The following BHLHE40 variants were observed in gnomAD, a reference collection of about 807,000 sequenced individuals.
BHLHE40 encodes basic helix-loop-helix family member e40, also known as class E basic helix-loop-helix protein 40.
In BHLHE40, 3 loss-of-function variants were observed where a neutral mutation model predicts 35.7. That is an observed-to-expected ratio of 0.08 (90% CI 0.04 to 0.22). The LOEUF is 0.22. Among genes scored for constraint, BHLHE40 ranks in the 10% least tolerant of loss-of-function variants. BHLHE40 has a pLI of 1.00. For missense variants in BHLHE40, 486 were observed against 524.0 expected (o/e 0.93, Z 0.71); for synonymous variants, 236 against 213.0 (o/e 1.11, Z -0.94).
Position 4,983,856 on chromosome 3 carries a change from A to ATGTGCG in BHLHE40, c.*173_*178dup. The ATGTGCG allele has an allele frequency of 2.9e-6, 1 of 350,552 alleles. No homozygotes were observed. Among genetic ancestry groups the ATGTGCG allele is most frequent in the Non-Finnish European group, 4.3e-6 (1 of 233,210 alleles). 21.7% of individuals were successfully genotyped at this position (350,552 alleles called of 1,614,324 possible). ...TGTGTGTGTGTGTGTGTGTGTGTGT[A>ATGTGCG]TGTGCGTGTGCGTGCACATGTGTGC... On this transcript the variant is annotated 3_prime_UTR_variant, in exon 5 of 5. Transcript: ENST00000256495. This position sits in a 1 kb window ranked among gnomAD's most constrained non-coding sequence, Gnocchi z 5.0.
chr3:4,980,537 C>T, intron 3 of BHLHE40, 129 bp downstream of exon 3: 3 of 701,048 alleles, frequency 4.3e-6, no homozygotes, highest in South Asian at 3.4e-5. Context: ...GGTGGCTCTG[C>T]GGTGGGGTCC....
In BHLHE40 at chr3:4,983,143, G is replaced by A. The variant is rs34122820; in HGVS notation, c.690G>A (p.Ser230=). 3,131 of 1,614,116 alleles carry A rather than the reference G, an allele frequency of 1.9e-3. 47 individuals are homozygous for A. In the African/African-American group the frequency reaches 0.035, roughly 18 times the overall value. ...VPVIQRTFAH[S]SGEQSGSDTD... ...TCATCCAGCGGACTTTCGCTCACTC[G>A]AGTGGGGAGCAGAGCGGCAGCGACA... The change falls in exon 5 of 5, where the codon TCG becomes TCA. Residue 230 remains serine (S), a synonymous_variant. Transcript: ENST00000256495. This position sits in a 1 kb window ranked among gnomAD's most constrained non-coding sequence, Gnocchi z 5.0.
At position 4,979,628 on chromosome 3, in the gene BHLHE40, A is replaced by ACTCT; in HGVS notation, c.-91_-90insCTCT. 7.6e-7 allele frequency: 1 copy of ACTCT among 1,317,418 alleles called. No homozygotes were observed. The highest frequency in any genetic ancestry group is 1.1e-6 in the Non-Finnish European group (1 of 949,976). The allele number at this position is 1,317,418 out of a possible 1,614,324, so 81.6% of individuals were successfully genotyped here. On this transcript the variant is annotated 5_prime_UTR_variant, in exon 1 of 5. Coordinates refer to ENST00000256495, the MANE Select transcript of BHLHE40 (RefSeq NM_003670.3). ...CTCAGACTCAGAGGAACATCTGCGG[A>ACTCT]GAGACCCCCGAAGCCCTCTCCAGGG...
At chr3:4,981,569 G>C in intron 4 of BHLHE40, 54 bp downstream of exon 4, 2 of 1,588,274 alleles carry the variant, frequency 1.3e-6, no homozygotes, top group South Asian at 2.3e-5. Context: ...CAAATAGAGA[G>C]CCCGTGGGCT....
chr3:4,983,720 T>A lies in BHLHE40; in HGVS notation c.*28T>A, dbSNP rs761399314. 9 of 1,553,864 alleles carry A rather than the reference T, an allele frequency of 5.8e-6. No individual in the cohort carries two copies. The East Asian group carries it at 2.0e-4, about 35-fold the overall frequency. ...TCTCTAGGGGATCCTGCTGCTTTGC[T>A]TTCCTTCCTCGCTACTTCCTAAAAA... On this transcript the variant is annotated 3_prime_UTR_variant, in exon 5 of 5. Transcript: ENST00000256495. The surrounding 1 kb of genome is among the most constrained non-coding windows in gnomAD (Gnocchi z 5.0).
Position 4,983,728 on chromosome 3 carries a change from C to A in BHLHE40, c.*36C>A, listed in dbSNP as rs764995772. The A allele has an allele frequency of 1.9e-6, 3 of 1,543,262 alleles. No individual in the cohort carries two copies. The South Asian group carries it at 3.7e-5, about 19-fold the overall frequency. The stretch of plus-strand genomic sequence containing the variant: ...GGATCCTGCTGCTTTGCTTTCCTTC[C>A]TCGCTACTTCCTAAAAAGCAACAAA... On this transcript the variant is annotated 3_prime_UTR_variant, in exon 5 of 5. Coordinates refer to ENST00000256495, the MANE Select transcript of BHLHE40 (RefSeq NM_003670.3). The surrounding 1 kb of genome is among the most constrained non-coding windows in gnomAD (Gnocchi z 5.0).
In BHLHE40 at chr3:4,983,829, GGTGTGTGTGT is replaced by G. The variant is rs56076357; in HGVS notation, c.*154_*163del. The G allele has an allele frequency of 2.3e-5, 16 of 698,696 alleles. No homozygotes were observed. Among genetic ancestry groups the G allele is most frequent in the Non-Finnish European group, 3.7e-5 (16 of 431,066 alleles). 43.3% of individuals were successfully genotyped at this position (698,696 alleles called of 1,614,324 possible). A position where few individuals can be genotyped will look rare whatever the true frequency, so the allele number is the denominator to read the frequency against. The stretch of plus-strand genomic sequence containing the variant: ...TCTGAGGCATGGAGAGCAGATTCAG[GGTGTGTGTGT>G]GTGTGTGTGTGTGTGTATGTGCGTG... On this transcript the variant is annotated 3_prime_UTR_variant, in exon 5 of 5. Coordinates refer to ENST00000256495, the MANE Select transcript of BHLHE40 (RefSeq NM_003670.3). The surrounding 1 kb of genome is among the most constrained non-coding windows in gnomAD (Gnocchi z 5.0).
intron 3 of BHLHE40, among the ~76,000 whole-genome samples, chr3:4,981,052 C>T (rs763081031): frequency 9.2e-5 from 14 of 151,746 alleles, no homozygotes; most frequent in African/African-American, 3.4e-4. Flanking sequence ...GAGTTAAGGT[C>T]GGCAGAGGCT....
Position 4,979,583 on chromosome 3 carries a change from G to A in BHLHE40, c.-136G>A. On this transcript the variant is annotated 5_prime_UTR_variant, in exon 1 of 5. Transcript: ENST00000256495. ...CATCTCAAAGCCGAAGATTCCAGCA[G>A]CCCAGGGGATTTCAAAGAGCTCAGA... is the stretch of plus-strand genomic sequence containing the variant. The A allele has an allele frequency of 2.2e-6, 2 of 907,696 alleles. No individual in the cohort carries two copies. Among genetic ancestry groups the A allele is most frequent in the South Asian group, 1.7e-5 (1 of 59,520 alleles). 56.2% of individuals were successfully genotyped at this position (907,696 alleles called of 1,614,324 possible).
chr3:4,983,105 A>C lies in BHLHE40; in HGVS notation c.652A>C (p.Asn218His). The C allele has an allele frequency of 6.2e-7, 1 of 1,614,074 alleles. No homozygotes were observed. Among genetic ancestry groups the C allele is most frequent in the Non-Finnish European group, 8.5e-7 (1 of 1,179,992 alleles). ...PAKGSEGPGK[N>H]CVPVIQRTFA... Reference sequence around the variant, plus strand: ...CAAAGGTTCGGAAGGTCCTGGGAAAAACTGCGTGCCAGTCATCCAGCGGAC... The same window carrying C: ...CAAAGGTTCGGAAGGTCCTGGGAAACACTGCGTGCCAGTCATCCAGCGGAC... Residue 218 changes from asparagine (N) to histidine (H), a missense_variant, in exon 5 of 5, where the codon AAC becomes CAC. By Grantham distance (68) the Asn-to-His change is moderately conservative. Coordinates refer to ENST00000256495, the MANE Select transcript of BHLHE40 (RefSeq NM_003670.3). The surrounding 1 kb of genome is among the most constrained non-coding windows in gnomAD (Gnocchi z 5.0).
rs1479195574 is a variant in BHLHE40 at position 4,981,497 on chromosome 3, C to A, written c.364C>A (p.Gln122Lys). 6.2e-7 allele frequency: 1 copy of A among 1,613,844 alleles called. No individual in the cohort carries two copies. Among genetic ancestry groups the A allele is most frequent in the African/African-American group, 1.3e-5 (1 of 74,908 alleles). ...DQQQQKIIAL[Q>K]SGLQAGELSG... The stretch of plus-strand genomic sequence containing the variant: ...GCAGCAGCAGAAAATCATTGCCCTG[C>A]AGAGTGGTTTACAAGCTGGTGAGTG... The change falls in exon 4 of 5, where the codon CAG becomes AAG. Residue 122 changes from glutamine (Q) to lysine (K), a missense_variant. Physicochemically the swap from Gln to Lys is moderately conservative, Grantham distance 53. Around this residue, in one of 5 missense-constraint regions of BHLHE40, gnomAD observed 176 missense variants for 180.5 expected, o/e 0.98. Transcript: ENST00000256495.
At position 4,983,253 on chromosome 3, in the gene BHLHE40, G is replaced by T. The variant is rs745341900; in HGVS notation, c.800G>T (p.Arg267Leu). The change falls in exon 5 of 5, where the codon CGC becomes CTC. Residue 267 changes from arginine to leucine, a missense_variant. By Grantham distance (102) the Arg-to-Leu change is moderately radical (BLOSUM62 -2). This residue lies in a region of BHLHE40 where 206 missense variants were observed against 208.9 expected (regional missense o/e 0.99). Coordinates refer to ENST00000256495, the MANE Select transcript of BHLHE40 (RefSeq NM_003670.3). The surrounding 1 kb of genome is among the most constrained non-coding windows in gnomAD (Gnocchi z 5.0). ...CCGTGCTTCAAAAGTGACCACGGAC[G>T]CAGGTTCACGATGGGAGAAAGGATC... ...EQPCFKSDHGRRFTMGERIGA... is the reference protein window; with the variant it reads ...EQPCFKSDHGLRFTMGERIGA... The T allele has an allele frequency of 3.1e-6, 5 of 1,614,184 alleles. No homozygotes were observed. In the South Asian group the frequency reaches 4.4e-5, roughly 14 times the overall value.
At chr3:4,979,886 G>A (rs1264263773) in intron 1 of BHLHE40, 76 bp from the exon 2 acceptor site, 1 of 1,607,614 alleles carries the variant, frequency 6.2e-7, no homozygotes, top group South Asian at 1.1e-5. Context: ...CGGGCGCACC[G>A]GGAGGTTCTT....
chr3:4,983,275 G>A lies in BHLHE40; in HGVS notation c.822G>A (p.Arg274=). 1.9e-6 allele frequency: 3 copies of A among 1,614,214 alleles called. No homozygotes were observed. Among genetic ancestry groups the A allele is most frequent in the Non-Finnish European group, 2.5e-6 (3 of 1,180,030 alleles). Residue 274 remains arginine, a synonymous_variant, in exon 5 of 5, where the codon AGG becomes AGA. Coordinates refer to ENST00000256495, the MANE Select transcript of BHLHE40 (RefSeq NM_003670.3). The surrounding 1 kb of genome is among the most constrained non-coding windows in gnomAD (Gnocchi z 5.0). Reference sequence around the variant, plus strand: ...GACGCAGGTTCACGATGGGAGAAAGGATCGGCGCAATTAAGCAAGAGTCCG... The same window carrying A: ...GACGCAGGTTCACGATGGGAGAAAGAATCGGCGCAATTAAGCAAGAGTCCG... ...DHGRRFTMGE[R]IGAIKQESEE... is the part of the protein sequence containing the mutation.
chr3:4,982,950 T>C lies in BHLHE40; in HGVS notation c.497T>C (p.Leu166Pro), dbSNP rs1282797111. 6.2e-6 allele frequency: 10 copies of C among 1,613,738 alleles called. No individual in the cohort carries two copies. Among genetic ancestry groups the C allele is most frequent in the South Asian group, 1.1e-5 (1 of 91,076 alleles). Reference sequence around the variant, plus strand: ...GCCAAGCACGAGAACACTCGGGACCTGAAGTCTTCGCAGCTTGTCACCCAC... The same window carrying C: ...GCCAAGCACGAGAACACTCGGGACCCGAAGTCTTCGCAGCTTGTCACCCAC... ...YLAKHENTRDLKSSQLVTHLH... is the reference protein window; with the variant it reads ...YLAKHENTRDPKSSQLVTHLH... Residue 166 changes from leucine (L) to proline (P), a missense_variant, in exon 5 of 5, where the codon CTG becomes CCG. Around this residue, in one of 5 missense-constraint regions of BHLHE40, gnomAD observed 176 missense variants for 180.5 expected, o/e 0.98. Transcript: ENST00000256495.
chr3:4,981,859 T>C (rs1348949221), intron 4 of BHLHE40, among the ~76,000 whole-genome samples: 3 of 152,232 alleles, frequency 2.0e-5, no homozygotes, highest in Non-Finnish European at 2.9e-5. Context: ...CCCTCTTTCA[T>C]TGGAGAAGAA....
At position 4,979,796 on chromosome 3, in the gene BHLHE40, A is replaced by G; in HGVS notation, c.78A>G (p.Pro26=). Residue 26 remains proline (P), a splice_region_variant and synonymous_variant, in exon 1 of 5, where the codon CCA becomes CCG. Coordinates refer to ENST00000256495, the MANE Select transcript of BHLHE40 (RefSeq NM_003670.3). ...CGGGACTGGAGCACGGAGACCTACC[A>G]GGGTAAGTTGGCACTCCTTGGCCCT... ...KAPGLEHGDL[P]GMYPAHMYQV... 6.3e-7 allele frequency: 1 copy of G among 1,589,916 alleles called. No homozygotes were observed.
chr3:4,981,819 T>C (rs1468393876), intron 4 of BHLHE40, among the ~76,000 whole-genome samples: 1 of 152,240 alleles, frequency 6.6e-6, no homozygotes, highest in Non-Finnish European at 1.5e-5. Context: ...ATAATTTGCA[T>C]TGTGGGTGTT....
chr3:4,980,768 G>C (rs1383549792), intron 3 of BHLHE40, among the ~76,000 whole-genome samples: 1 of 151,650 alleles, frequency 6.6e-6, no homozygotes, highest in Admixed American at 6.6e-5. Flanking sequence ...CACCTTTTTT[G>C]TTGTTGTTGT....
Sources: gnomAD v4.1 joint callset for allele counts (sites outside exome capture counted in the v4.1 genomes callset) on GRCh38, gnomAD v4.1.1 for gene constraint, gnomAD v4.1.1 regional missense constraint, Gnocchi (gnomAD v3.1) non-coding constraint, MANE v1.5 for transcripts, NCBI Gene and HGNC (gene_info 2026-07-23, HGNC 2026-07-21) for gene names.